Variants in ALAD observed in about 807,000 individuals in gnomAD.
The protein encoded by ALAD is delta-aminolevulinic acid dehydratase.
A neutral mutation model predicts 44.4 loss-of-function variants in ALAD; 20 were observed. The ratio of observed to expected loss-of-function variants is 0.45; its 90% CI spans 0.32 to 0.65. ALAD has a LOEUF of 0.65. ALAD is among the 30% of genes least tolerant of loss of function. The probability of loss-of-function intolerance (pLI) is 0.05; values close to 1 mark genes in which losing one functional copy is unlikely to be tolerated. For missense variants in ALAD, 323 were observed against 445.7 expected, an observed-to-expected ratio of 0.72 and a Z score of 2.48; for synonymous variants, 156 against 167.9, an observed-to-expected ratio of 0.93 and a Z score of 0.55.
In ALAD at chr9:113,389,032, C is replaced by T. The variant is rs150649205; in HGVS notation, c.876G>A (p.Gly292=). Residue 292 remains glycine, a synonymous_variant, in exon 11 of 12, where the codon GGG becomes GGA. Transcript: ENST00000409155. ...FAMLWHGAQA[G]AFDLKAAVLE... ...GTACGGCAGCCTTGAGATCAAATGC[C>T]CCGGCCTGGGCTCCATGCCACAGCA... 61 of 1,613,780 alleles carry T rather than the reference C, an allele frequency of 3.8e-5. No individual in the cohort carries two copies. Among genetic ancestry groups the T allele is most frequent in the Non-Finnish European group, 6.8e-6 (8 of 1,180,040 alleles).
In ALAD at chr9:113,387,714, T is replaced by C. The variant is rs1827437165; in HGVS notation, c.*586A>G. 1 of 163,690 alleles carries C rather than the reference T, an allele frequency of 6.1e-6. No homozygotes were observed. Among genetic ancestry groups the C allele is most frequent in the Admixed American group, 5.7e-5 (1 of 17,588 alleles). The allele number at this position is 163,690 out of a possible 1,614,324, so 10.1% of individuals were successfully genotyped here. On this transcript the variant is annotated 3_prime_UTR_variant, in exon 12 of 12. Transcript: ENST00000409155. ...TCTGAGTTTTGATCCTCAGGCAGTA[T>C]TTATGCTGGTTAATGAGTAATTCTT...
chr9:113,389,348 G>A (rs1827503667), intron 10 of ALAD, 90 bp downstream of exon 10: 1 of 1,514,668 alleles, frequency 6.6e-7, no homozygotes, highest in East Asian at 2.3e-5. Flanking sequence ...CATGCTTAAG[G>A]GCAAACTGCT....
chr9:113,397,378 G>A (rs1328700097), intron 1 of ALAD: 1 of 152,096 alleles, frequency 6.6e-6, no homozygotes, highest in Non-Finnish European at 1.5e-5. Flanking sequence ...AGCCATCTCA[G>A]GGGCCCATTT....
chr9:113,400,706 C>T (rs1487026320), intron 1 of ALAD, among the ~76,000 whole-genome samples: 1 of 152,140 alleles, frequency 6.6e-6, no homozygotes, highest in African/African-American at 2.4e-5. Flanking sequence ...CCTGTAATCC[C>T]AGCTAGTTGG....
chr9:113,392,621 T>C (rs906646617), intron 2 of ALAD: 4 of 183,048 alleles, frequency 2.2e-5, no homozygotes, highest in Non-Finnish European at 4.6e-5. Flanking sequence ...GCCCTGATGA[T>C]ACAACAGTGA....
intron 1 of ALAD, among the ~76,000 whole-genome samples, chr9:113,394,517 G>A (rs747766330): frequency 5.3e-5 from 8 of 151,840 alleles, no homozygotes; most frequent in African/African-American, 1.4e-4. Context: ...CAGCCTGGGT[G>A]AGAGAGGGAG....
At position 113,389,010 on chromosome 9, in the gene ALAD, C is replaced by T. The variant is rs745845598; in HGVS notation, c.898G>A (p.Val300Ile). ...QAGAFDLKAA[V>I]LEAMTAFRRA... ...CGGAAGGCAGTCATGGCCTCCAGTACGGCAGCCTTGAGATCAAATGCCCCG... is the reference window on the plus strand; with the variant it reads ...CGGAAGGCAGTCATGGCCTCCAGTATGGCAGCCTTGAGATCAAATGCCCCG... Residue 300 changes from valine to isoleucine, a missense_variant, in exon 11 of 12, where the codon GTA becomes ATA. Coordinates refer to ENST00000409155, the MANE Select transcript of ALAD (RefSeq NM_000031.6). 5.6e-6 allele frequency: 9 copies of T among 1,613,888 alleles called. No homozygotes were observed. Among genetic ancestry groups the T allele is most frequent in the East Asian group, 4.5e-5 (2 of 44,888 alleles).
At chr9:113,389,563 G>A (rs1310730822) in intron 9 of ALAD, 36 bp downstream of exon 9, 2 of 1,613,972 alleles carry the variant, frequency 1.2e-6, no homozygotes, top group Non-Finnish European at 1.7e-6. Context: ...TGCCTAGGAG[G>A]GGGCTGAGGG....
rs1262041304 is a variant in ALAD at position 113,387,740 on chromosome 9, C to T, written c.*560G>A. ...TTATGCTGGTTAATGAGTAATTCTT[C>T]TCTGGGTTTATGGTTCAGAGTAGAA... is the stretch of plus-strand genomic sequence containing the variant. On this transcript the variant is annotated 3_prime_UTR_variant, in exon 12 of 12. Coordinates refer to ENST00000409155, the MANE Select transcript of ALAD (RefSeq NM_000031.6). 1 of 166,552 alleles carries T rather than the reference C, an allele frequency of 6.0e-6. No individual in the cohort carries two copies. The highest frequency in any genetic ancestry group is 1.6e-4 in the East Asian group (1 of 6,180). 10.3% of individuals were successfully genotyped at this position (166,552 alleles called of 1,614,324 possible).
intron 1 of ALAD, among the ~76,000 whole-genome samples, chr9:113,400,925 CA>C (rs1827837266): frequency 6.6e-6 from 1 of 152,236 alleles, no homozygotes; most frequent in Non-Finnish European, 1.5e-5. Context: ...CACCAACCAC[CA>C]CCCGCACCTC....
chr9:113,389,521 G>A lies in ALAD; in HGVS notation c.718C>T (p.Arg240Trp), dbSNP rs121912982. 17 of 1,613,986 alleles carry A rather than the reference G, an allele frequency of 1.1e-5. No homozygotes were observed. Among genetic ancestry groups the A allele is most frequent in the Non-Finnish European group, 1.4e-5 (16 of 1,180,022 alleles). Reference sequence around the variant, plus strand: ...ATGTCAGCTCCTTCCCGTACATCCCGGTCCTAAGGGATGAGGGTATAATGT... The same window carrying A: ...ATGTCAGCTCCTTCCCGTACATCCCAGTCCTAAGGGATGAGGGTATAATGT... ...ARGLALRAVDRDVREGADMLM... is the reference protein window; with the variant it reads ...ARGLALRAVDWDVREGADMLM... Residue 240 changes from arginine to tryptophan, a missense_variant, in exon 10 of 12, where the codon CGG becomes TGG. Coordinates refer to ENST00000409155, the MANE Select transcript of ALAD (RefSeq NM_000031.6).
In ALAD at chr9:113,401,248, A is replaced by G. The variant is rs1205761624; in HGVS notation, c.-112T>C. 1.3e-5 allele frequency: 2 copies of G among 152,130 alleles called. No individual in the cohort carries two copies. The highest frequency in any genetic ancestry group is 3.1e-3 in the Middle Eastern group (1 of 318). 9.4% of individuals were successfully genotyped at this position (152,130 alleles called of 1,614,324 possible). A position where few individuals can be genotyped will look rare whatever the true frequency, so the allele number is the denominator to read the frequency against. ...AGGGCTCCCGGCCGCTGCTCCTGTCACCGCTGTCTCCCGCTCCGGTCTCCC... is the reference window on the plus strand; with the variant it reads ...AGGGCTCCCGGCCGCTGCTCCTGTCGCCGCTGTCTCCCGCTCCGGTCTCCC... On this transcript the variant is annotated 5_prime_UTR_variant, in exon 1 of 12. Coordinates refer to ENST00000409155, the MANE Select transcript of ALAD (RefSeq NM_000031.6).
Position 113,393,604 on chromosome 9 carries a change from G to A in ALAD, c.-45C>T. ...AGGGGCATCAGTTGGTTGGAACCGAGGGCTCCTGGGGCATTGGCTGCAGGC... is the reference window on the plus strand; with the variant it reads ...AGGGGCATCAGTTGGTTGGAACCGAAGGCTCCTGGGGCATTGGCTGCAGGC... On this transcript the variant is annotated 5_prime_UTR_variant, in exon 2 of 12. Transcript: ENST00000409155. The A allele has an allele frequency of 6.6e-7, 1 of 1,504,878 alleles. No homozygotes were observed. The highest frequency in any genetic ancestry group is 1.7e-5 in the Admixed American group (1 of 59,828). The allele number at this position is 1,504,878 out of a possible 1,614,324, so 93.2% of individuals were successfully genotyped here. A position where few individuals can be genotyped will look rare whatever the true frequency, so the allele number is the denominator to read the frequency against.
At chr9:113,394,546 A>T (rs1400765967) in intron 1 of ALAD, among the ~76,000 whole-genome samples, 1 of 151,858 alleles carries the variant, frequency 6.6e-6, no homozygotes, top group Non-Finnish European at 1.5e-5. Context: ...AAAAAAAAAT[A>T]ATAATTTTAT....
At chr9:113,392,813 C>CTT (rs1474192860) in intron 2 of ALAD, among the ~76,000 whole-genome samples, 2 of 117,050 alleles carry the variant, frequency 1.7e-5, no homozygotes, top group African/African-American at 6.9e-5. Flanking sequence ...CGATTGCCAT[C>CTT]TCTTTTTTTT....
chr9:113,392,033 CTAGGTCTGCTTCT>C, intron 3 of ALAD, 73 bp downstream of exon 3: 1 of 1,301,258 alleles, frequency 7.7e-7, no homozygotes, highest in Non-Finnish European at 1.1e-6. Flanking sequence ...CTTCTACTTC[CTAGGTCTGCTTCT>C]GCCTCCCAGC....
chr9:113,390,408 G>A lies in ALAD; in HGVS notation c.567C>T (p.Asn189=), dbSNP rs371727194. Residue 189 remains asparagine, a synonymous_variant, in exon 7 of 12, where the codon AAC becomes AAT. Coordinates refer to ENST00000409155, the MANE Select transcript of ALAD (RefSeq NM_000031.6). ...GTGCTGCATTCCCTGCCCTTACCCT[G>A]TTGCCAAGTCCATGTGCCATCAGGG... is the stretch of plus-strand genomic sequence containing the variant. ...KEALMAHGLG[N]RVSVMSYSAK... The A allele has an allele frequency of 6.8e-6, 11 of 1,614,040 alleles. No individual in the cohort carries two copies. Among genetic ancestry groups the A allele is most frequent in the Non-Finnish European group, 9.3e-6 (11 of 1,180,006 alleles).
intron 10 of ALAD, 144 bp from the exon 11 acceptor site, chr9:113,389,250 C>G: frequency 7.1e-7 from 1 of 1,400,366 alleles, no homozygotes; most frequent in Admixed American, 2.0e-5. Flanking sequence ...CACTCTTGAA[C>G]TGTTAAAGCA....
chr9:113,392,226 G>A (rs1827609542), intron 2 of ALAD, 57 bp from the exon 3 acceptor site: 1 of 1,613,020 alleles, frequency 6.2e-7, no homozygotes, highest in African/African-American at 1.3e-5. Context: ...CAGTGGTGCG[G>A]GGGCGACTGA....
Sources: gnomAD v4.1 joint callset for allele counts (sites outside exome capture counted in the v4.1 genomes callset) on GRCh38, gnomAD v4.1.1 for gene constraint, MANE v1.5 for transcripts, NCBI Gene and HGNC (gene_info 2026-07-23, HGNC 2026-07-21) for gene names.